WWOX: variants seen among roughly 807,000 people sequenced by gnomAD.
WWOX encodes WW domain containing oxidoreductase.
Under a neutral mutation model 46.2 loss-of-function variants are expected in WWOX, and 69 were observed. The ratio of observed to expected loss-of-function variants is 1.49; its 90% CI spans 1.23 to 1.82. The LOEUF (loss-of-function observed/expected upper bound fraction) is 1.82, where lower values mean the gene tolerates loss of function less well. Ranked by LOEUF, WWOX falls within the 40% of genes most tolerant of loss-of-function variation. The pLI, the probability that WWOX is intolerant of heterozygous loss-of-function variation, is 0.00. For missense variants in WWOX, 919 were observed against 542.6 expected (o/e 1.69, Z -6.89); for synonymous variants, 359 against 202.6 (o/e 1.77, Z -6.56).
At chr16:79,008,691 C>T (rs1272661898) in intron 8 of WWOX, among the ~76,000 whole-genome samples, 2 of 152,188 alleles carry the variant, frequency 1.3e-5, no homozygotes, top group African/African-American at 4.8e-5. Context: ...CTCCCTACTC[C>T]CTTCACTCCC....
chr16:78,998,391 T>C (rs2047031054), intron 8 of WWOX, among the ~76,000 whole-genome samples: 1 of 152,174 alleles, frequency 6.6e-6, no homozygotes, highest in Admixed American at 6.5e-5. Flanking sequence ...GAGCAGAGCC[T>C]ACTGCCTTCA....
chr16:78,638,791 A>G (rs191080614), intron 8 of WWOX, among the ~76,000 whole-genome samples: 3 of 152,262 alleles, frequency 2.0e-5, no homozygotes, highest in Admixed American at 1.3e-4. Flanking sequence ...CTAGGAATTC[A>G]CAGTAAAATC....
chr16:78,967,286 C>CTTTTTTT (rs71140849), intron 8 of WWOX, among the ~76,000 whole-genome samples: 2 of 56,830 alleles, frequency 3.5e-5, no homozygotes, highest in Non-Finnish European at 5.8e-5. Flanking sequence ...CTGCCGAGGC[C>CTTTTTTT]TTTTTTTTTT....
intron 8 of WWOX, among the ~76,000 whole-genome samples, chr16:78,738,772 G>C (rs1394211273): frequency 1.3e-5 from 2 of 152,166 alleles, no homozygotes; most frequent in Non-Finnish European, 2.9e-5. Flanking sequence ...GACCAGGGCT[G>C]TGCAACCCTA....
At chr16:78,997,391 A>G (rs988488985) in intron 8 of WWOX, among the ~76,000 whole-genome samples, 3 of 152,138 alleles carry the variant, frequency 2.0e-5, no homozygotes, top group Non-Finnish European at 2.9e-5. Context: ...TATTCTTACC[A>G]CGGTGACACG....
chr16:78,783,250 G>T (rs1243985522), intron 8 of WWOX, among the ~76,000 whole-genome samples: 2 of 152,196 alleles, frequency 1.3e-5, no homozygotes, highest in Non-Finnish European at 2.9e-5. Context: ...CAGACATTTA[G>T]ATTTCAACAG....
chr16:78,311,136 AAGG>A (rs2080234849), intron 5 of WWOX, among the ~76,000 whole-genome samples: 1 of 152,106 alleles, frequency 6.6e-6, no homozygotes, highest in Admixed American at 6.5e-5. Context: ...AAGAAAAAGA[AAGG>A]GGGGCGGTGG....
intron 8 of WWOX, among the ~76,000 whole-genome samples, chr16:78,549,340 G>A (rs540080116): frequency 1.3e-5 from 2 of 152,300 alleles, no homozygotes; most frequent in East Asian, 1.9e-4. Flanking sequence ...TCTGCTGTAA[G>A]CTCTGTTAAT....
At chr16:78,469,476 G>A (rs548063375) in intron 8 of WWOX, among the ~76,000 whole-genome samples, 4 of 152,146 alleles carry the variant, frequency 2.6e-5, no homozygotes, top group East Asian at 1.9e-4. Context: ...GACAGGCTCC[G>A]CAGTGAGGGT....
chr16:78,731,222 G>T (rs2048961792), intron 8 of WWOX, among the ~76,000 whole-genome samples: 1 of 152,136 alleles, frequency 6.6e-6, no homozygotes, highest in South Asian at 2.1e-4. Context: ...TAAAGACAGG[G>T]CCTGGTACTT....
At chr16:78,470,681 C>G (rs1405529209) in intron 8 of WWOX, among the ~76,000 whole-genome samples, 2 of 152,288 alleles carry the variant, frequency 1.3e-5, no homozygotes, top group East Asian at 3.9e-4. Context: ...AGGCACGCCA[C>G]CACACCTGGC....
intron 8 of WWOX, among the ~76,000 whole-genome samples, chr16:78,669,274 G>A (rs899046147): frequency 3.3e-5 from 5 of 152,236 alleles, no homozygotes; most frequent in African/African-American, 1.2e-4. Flanking sequence ...GTGTCCCATG[G>A]CAGTGCCTAA....
chr16:78,507,364 A>G (rs1054161344), intron 8 of WWOX, among the ~76,000 whole-genome samples: 1 of 152,342 alleles, frequency 6.6e-6, no homozygotes, highest in East Asian at 1.9e-4. Flanking sequence ...TGGGATAAAA[A>G]TAAAAAGTCA....
intron 8 of WWOX, among the ~76,000 whole-genome samples, chr16:78,941,983 T>G (rs1217288473): frequency 6.6e-6 from 1 of 152,186 alleles, no homozygotes; most frequent in South Asian, 2.1e-4. Context: ...ATGTGGGTCA[T>G]TGGGAAATAA....
chr16:78,852,845 T>A (rs1048401448), intron 8 of WWOX, among the ~76,000 whole-genome samples: 1 of 152,200 alleles, frequency 6.6e-6, no homozygotes, highest in African/African-American at 2.4e-5. Context: ...GGGCAGAAAC[T>A]TTTATACAGT....
chr16:79,108,560 T>A (rs563487353), intron 8 of WWOX, among the ~76,000 whole-genome samples: 2 of 152,326 alleles, frequency 1.3e-5, no homozygotes, highest in South Asian at 4.1e-4. Context: ...CATTCATACT[T>A]AAGGGTGATT....
At chr16:78,240,664 C>T (rs2037612819) in intron 5 of WWOX, among the ~76,000 whole-genome samples, 1 of 152,212 alleles carries the variant, frequency 6.6e-6, no homozygotes, top group South Asian at 2.1e-4. Context: ...GAAGTCTCAG[C>T]AGCCTCCTGT....
At chr16:79,064,073 G>A (rs943095018) in intron 8 of WWOX, among the ~76,000 whole-genome samples, 29 of 152,162 alleles carry the variant, frequency 1.9e-4, no homozygotes, top group Non-Finnish European at 1.0e-4. Context: ...TCTCAACAAG[G>A]CACTACAGCA....
chr16:79,203,255 TAAATG>T (rs1206535666), intron 8 of WWOX: 5 of 152,238 alleles, frequency 3.3e-5, no homozygotes. Context: ...CAGTATGTTC[TAAATG>T]AAATATTAAC....
Sources: allele counts gnomAD v4.1 joint callset (sites outside exome capture counted in the v4.1 genomes callset), GRCh38; gene constraint gnomAD v4.1.1; transcripts MANE v1.5; gene names NCBI Gene and HGNC (gene_info 2026-07-23, HGNC 2026-07-21).